The following TPST2 variants were observed in gnomAD, a reference collection of about 807,000 sequenced individuals.
TPST2 encodes tyrosylprotein sulfotransferase 2, also known as protein-tyrosine sulfotransferase 2.
TPST2 carries 16 observed loss-of-function variants against 27.8 expected under a neutral mutation model. The ratio of observed to expected loss-of-function variants is 0.58; its 90% CI spans 0.39 to 0.88. The LOEUF is 0.88. Ranked by LOEUF, TPST2 falls within the 40% of genes least tolerant of loss-of-function variation. The pLI is 0.00. For synonymous variants in TPST2, 229 were observed against 231.7 expected (o/e 0.99, Z 0.10); for missense variants, 464 against 543.1 (o/e 0.85, Z 1.45).
chr22:26,541,766 G>A lies in TPST2; in HGVS notation c.-88-48C>T. On this transcript the variant is annotated intron_variant, in intron 2 of 6. Transcript: ENST00000338754. The surrounding 1 kb of genome is among the most constrained non-coding windows in gnomAD (Gnocchi z 5.9). ...ATAGTCAGGGAGGTCTGTGAGCTGT[G>A]AGCTCTCCAATAACTGCAAAGCCCT... is the stretch of plus-strand genomic sequence containing the variant. The A allele has an allele frequency of 1.4e-6, 2 of 1,422,250 alleles. No individual in the cohort carries two copies. Among genetic ancestry groups the A allele is most frequent in the South Asian group, 3.0e-5 (2 of 67,080 alleles). The allele number at this position is 1,422,250 out of a possible 1,614,324, so 88.1% of individuals were successfully genotyped here. A position where few individuals can be genotyped will look rare whatever the true frequency, so the allele number is the denominator to read the frequency against.
chr22:26,569,001 C>T (rs1164429470), intron 1 of TPST2, among the ~76,000 whole-genome samples: 2 of 151,532 alleles, frequency 1.3e-5, no homozygotes, highest in Admixed American at 6.6e-5. Flanking sequence ...GTAGCTGGGA[C>T]TACAGGCGCC....
At chr22:26,534,039 A>G (rs989412900) in intron 4 of TPST2, among the ~76,000 whole-genome samples, 1 of 152,174 alleles carries the variant, frequency 6.6e-6, no homozygotes, top group African/African-American at 2.4e-5. Context: ...AACGTTACAT[A>G]CTTTTTTGTC....
chr22:26,549,545 T>C (rs1428324909), intron 1 of TPST2, among the ~76,000 whole-genome samples: 1 of 149,762 alleles, frequency 6.7e-6, no homozygotes, highest in Non-Finnish European at 1.5e-5. Flanking sequence ...TAATCCCAGC[T>C]ACTCAGGAGG....
intron 1 of TPST2, among the ~76,000 whole-genome samples, chr22:26,559,352 C>A (rs910475177): frequency 6.6e-6 from 1 of 152,044 alleles, no homozygotes; most frequent in African/African-American, 2.4e-5. Context: ...GACAACAGAG[C>A]GAAACTCCAT....
intron 1 of TPST2, among the ~76,000 whole-genome samples, chr22:26,558,066 A>G (rs2147214506): frequency 1.4e-5 from 2 of 146,272 alleles, no homozygotes; most frequent in African/African-American, 4.9e-5. Context: ...TATATTTTAT[A>G]TAAAATTTAT....
intron 1 of TPST2, among the ~76,000 whole-genome samples, chr22:26,554,528 C>T (rs1926676623): frequency 2.0e-5 from 3 of 152,216 alleles, no homozygotes; most frequent in Non-Finnish European, 4.4e-5. Context: ...ATCCTCCACA[C>T]CTGGCTGATT....
chr22:26,542,827 T>C (rs1925937474), intron 2 of TPST2, among the ~76,000 whole-genome samples: 1 of 152,180 alleles, frequency 6.6e-6, no homozygotes, highest in African/African-American at 2.4e-5. Context: ...TGGAAGCCAG[T>C]GGGAAGACAG....
chr22:26,540,841 C>T lies in TPST2; in HGVS notation c.790G>A (p.Val264Ile), dbSNP rs773262198. 3.1e-6 allele frequency: 5 copies of T among 1,612,992 alleles called. No individual in the cohort carries two copies. The highest frequency in any genetic ancestry group is 3.3e-5 in the Admixed American group (2 of 59,940). ...CCAATGAGGTCTTCATGGTGGAGGA[C>T]AGCGTCGCTCCAGGCGATGCCGAGG... is the stretch of plus-strand genomic sequence containing the variant. ...DFLGIAWSDAVLHHEDLIGKP... is the reference protein window; with the variant it reads ...DFLGIAWSDAILHHEDLIGKP... The change falls in exon 3 of 7, where the codon GTC (valine) becomes ATC (isoleucine). Residue 264 changes from valine to isoleucine, a missense_variant. Transcript: ENST00000338754.
chr22:26,570,040 A>AC (rs1348642624), intron 1 of TPST2, among the ~76,000 whole-genome samples: 35 of 136,034 alleles, frequency 2.6e-4, no homozygotes, highest in African/African-American at 9.1e-4. Flanking sequence ...AGAAAGAAAG[A>AC]AAGACAGAAA....
chr22:26,522,987 G>C lies in TPST2; in HGVS notation c.*3288C>G, dbSNP rs145216017. On this transcript the variant is annotated 3_prime_UTR_variant, in exon 7 of 7. Transcript: ENST00000338754. ...GAGGTGAAAGGACTGCTTGAGCCCA[G>C]GAGTTAGAGGTTGCAGTGAGCTGTG... 251 of 152,284 alleles carry C rather than the reference G, an allele frequency of 1.6e-3. 1 individual carries two copies. The highest frequency in any genetic ancestry group is 5.8e-3 in the African/African-American group (241 of 41,464). The allele number at this position is 152,284 out of a possible 1,614,324, so 9.4% of individuals were successfully genotyped here. A position where few individuals can be genotyped will look rare whatever the true frequency, so the allele number is the denominator to read the frequency against.
At chr22:26,585,351 C>CT in intron 1 of TPST2, among the ~76,000 whole-genome samples, 1 of 56 alleles carries the variant, frequency 0.018, no homozygotes, top group Non-Finnish European at 0.025. Flanking sequence ...CCTGTGGGCA[C>CT]TGCCTCTGAG....
At chr22:26,530,323 C>T (rs559584393) in intron 5 of TPST2, among the ~76,000 whole-genome samples, 1 of 152,190 alleles carries the variant, frequency 6.6e-6, no homozygotes, top group East Asian at 1.9e-4. Context: ...GTTTTGCTTT[C>T]TTACTATTTT....
At chr22:26,560,466 G>A (rs62224864) in intron 1 of TPST2, 72,475 of 736,674 alleles carry the variant, frequency 0.098, 4,168 homozygotes, top group Middle Eastern at 0.15. Flanking sequence ...CAGCGCCGGG[G>A]CAAGTGAGAG....
chr22:26,577,415 G>C (rs1205436665), intron 1 of TPST2, among the ~76,000 whole-genome samples: 1 of 151,852 alleles, frequency 6.6e-6, no homozygotes, highest in Non-Finnish European at 1.5e-5. Flanking sequence ...CACTATCTTG[G>C]CTCACTGTAA....
chr22:26,563,952 G>A (rs1020476024), intron 1 of TPST2, among the ~76,000 whole-genome samples: 1 of 152,150 alleles, frequency 6.6e-6, no homozygotes, highest in Non-Finnish European at 1.5e-5. Context: ...GTAGGGGGTC[G>A]GCGGGCTCAG....
intron 3 of TPST2, among the ~76,000 whole-genome samples, chr22:26,538,588 G>C (rs1396690674): frequency 6.6e-6 from 1 of 152,236 alleles, no homozygotes; most frequent in Non-Finnish European, 1.5e-5. Context: ...TGGGGAGGCT[G>C]AGGCGGGCAG....
intron 1 of TPST2, among the ~76,000 whole-genome samples, chr22:26,578,419 G>A (rs148497829): frequency 2.6e-5 from 4 of 152,184 alleles, no homozygotes; most frequent in African/African-American, 9.7e-5. Context: ...GGGAACTCTG[G>A]AAGTGGGGTA....
At chr22:26,563,556 C>G (rs1410183966) in intron 1 of TPST2, among the ~76,000 whole-genome samples, 1 of 152,104 alleles carries the variant, frequency 6.6e-6, no homozygotes. Flanking sequence ...GTCTCAATCT[C>G]CTGACCTTGT....
At chr22:26,579,540 T>C (rs1042237247) in intron 1 of TPST2, among the ~76,000 whole-genome samples, 14 of 152,216 alleles carry the variant, frequency 9.2e-5, no homozygotes, top group African/African-American at 3.4e-4. Flanking sequence ...GTCTTCCACC[T>C]GGGAAGTAGC....
Sources: gnomAD v4.1 joint callset for allele counts (sites outside exome capture counted in the v4.1 genomes callset) on GRCh38, gnomAD v4.1.1 for gene constraint, Gnocchi (gnomAD v3.1) non-coding constraint, MANE v1.5 for transcripts, NCBI Gene and HGNC (gene_info 2026-07-23, HGNC 2026-07-21) for gene names.